The following GALNT13 variants were observed in gnomAD, a reference collection of about 807,000 sequenced individuals.
GALNT13 encodes the protein UDP-GalNAc:polypeptide N-acetylgalactosaminyltransferase 13.
A neutral mutation model predicts 64.2 loss-of-function variants in GALNT13; 28 were observed. That is an observed-to-expected ratio of 0.44 (90% CI 0.32 to 0.60). The LOEUF (loss-of-function observed/expected upper bound fraction) is 0.60, where lower values mean the gene tolerates loss of function less well. Ranked by LOEUF, GALNT13 falls within the 20% of genes least tolerant of loss-of-function variation. The pLI is 0.05. For synonymous variants in GALNT13, 214 were observed against 224.6 expected, an observed-to-expected ratio of 0.95 and a Z score of 0.42; for missense variants, 577 against 669.8, an observed-to-expected ratio of 0.86 and a Z score of 1.53.
At chr2:153,678,308 T>A in the GALNT13 span, among the ~76,000 whole-genome samples, 1 of 151,844 alleles carries the variant, frequency 6.6e-6, no homozygotes. Context: ...AGTAGATAAA[T>A]AAAATGTGGT....
the GALNT13 span, among the ~76,000 whole-genome samples, chr2:153,771,783 C>T: frequency 6.6e-6 from 1 of 152,090 alleles, no homozygotes; most frequent in Non-Finnish European, 1.5e-5. Context: ...AGAGCAAAAA[C>T]TTACTAATCC....
chr2:153,254,393 A>G, the GALNT13 span, among the ~76,000 whole-genome samples: 11 of 151,998 alleles, frequency 7.2e-5, no homozygotes, highest in African/African-American at 2.2e-4. Context: ...CAGTCTGTCA[A>G]TTTTGTAGAT....
chr2:154,245,104 AAAATAAATAAATAAAT>A (rs61010587), intron 6 of GALNT13, among the ~76,000 whole-genome samples: 6 of 137,832 alleles, frequency 4.4e-5, no homozygotes, highest in East Asian at 4.2e-4. Context: ...AGGCTCTGTC[AAAATAAATAAATAAAT>A]AAATAAATAA....
At chr2:153,439,896 G>T in the GALNT13 span, among the ~76,000 whole-genome samples, 1 of 152,176 alleles carries the variant, frequency 6.6e-6, no homozygotes, top group Non-Finnish European at 1.5e-5. Context: ...GAAATCACCC[G>T]TTTTCTGTGT....
At chr2:153,245,461 G>T in the GALNT13 span, among the ~76,000 whole-genome samples, 1 of 152,226 alleles carries the variant, frequency 6.6e-6, no homozygotes, top group African/African-American at 2.4e-5. Flanking sequence ...AATCTTTGCT[G>T]TTCTGCACCC....
the GALNT13 span, among the ~76,000 whole-genome samples, chr2:153,205,898 A>G: frequency 2.0e-5 from 3 of 152,018 alleles, no homozygotes; most frequent in South Asian, 4.1e-4. Flanking sequence ...AATTTTTCTA[A>G]TATTTCTTAG....
intron 4 of GALNT13, among the ~76,000 whole-genome samples, chr2:154,189,605 T>C (rs1686457613): frequency 1.3e-5 from 2 of 151,990 alleles, no homozygotes; most frequent in African/African-American, 2.4e-5. Context: ...AGAAAATAAA[T>C]TTATGTTTTC....
chr2:153,924,777 A>C (rs1690002779), intron 2 of GALNT13, among the ~76,000 whole-genome samples: 1 of 151,902 alleles, frequency 6.6e-6, no homozygotes, highest in Non-Finnish European at 1.5e-5. Flanking sequence ...ATGATATCTC[A>C]CTGTGTTTTT....
the GALNT13 span, among the ~76,000 whole-genome samples, chr2:153,789,231 G>T: frequency 2.0e-5 from 3 of 151,932 alleles, no homozygotes; most frequent in Non-Finnish European, 4.4e-5. Flanking sequence ...GCAAAGAACC[G>T]AAATGACACC....
chr2:153,239,615 C>T, the GALNT13 span, among the ~76,000 whole-genome samples: 1 of 152,102 alleles, frequency 6.6e-6, no homozygotes, highest in Non-Finnish European at 1.5e-5. Context: ...TCACTCTGTT[C>T]ATATGACATA....
chr2:154,161,663 A>C (rs1047982112), intron 4 of GALNT13, among the ~76,000 whole-genome samples: 3 of 152,226 alleles, frequency 2.0e-5, no homozygotes, highest in Non-Finnish European at 4.4e-5. Context: ...TATTTAAATG[A>C]TGTGACAACA....
intron 4 of GALNT13, among the ~76,000 whole-genome samples, chr2:154,206,967 C>T (rs1046398192): frequency 6.6e-6 from 1 of 152,100 alleles, no homozygotes; most frequent in Non-Finnish European, 1.5e-5. Flanking sequence ...TAGAGCTTTA[C>T]TACTTTTTAC....
At chr2:153,845,565 G>T in the GALNT13 span, among the ~76,000 whole-genome samples, 1 of 152,104 alleles carries the variant, frequency 6.6e-6, no homozygotes, top group Non-Finnish European at 1.5e-5. Context: ...GACCCCACCT[G>T]GTGATTTTAT....
At chr2:153,172,656 C>G in the GALNT13 span, among the ~76,000 whole-genome samples, 1 of 152,046 alleles carries the variant, frequency 6.6e-6, no homozygotes, top group South Asian at 2.1e-4. Context: ...CCTGGGCAAA[C>G]AAAGAAATGT....
At chr2:153,191,705 CTTT>C in the GALNT13 span, among the ~76,000 whole-genome samples, 1 of 141,456 alleles carries the variant, frequency 7.1e-6, no homozygotes. Flanking sequence ...GCTTGAAAGA[CTTT>C]TTTTTTTTTT....
At chr2:153,565,007 A>G in the GALNT13 span, among the ~76,000 whole-genome samples, 2 of 152,256 alleles carry the variant, frequency 1.3e-5, no homozygotes, top group East Asian at 3.9e-4. Flanking sequence ...GAGGAAATGC[A>G]TTCTTCTAAC....
intron 2 of GALNT13, among the ~76,000 whole-genome samples, chr2:153,912,230 G>A (rs1003143931): frequency 3.9e-5 from 6 of 151,922 alleles, no homozygotes; most frequent in South Asian, 2.1e-4. Context: ...TGAAATTCTT[G>A]TAGTGTTTTT....
intron 4 of GALNT13, 40 bp from the exon 5 acceptor site, chr2:154,241,990 A>G: frequency 7.5e-7 from 1 of 1,333,170 alleles, no homozygotes; most frequent in South Asian, 1.4e-5. Flanking sequence ...CAGGATAAAA[A>G]ATGCATTTAT....
intron 4 of GALNT13, among the ~76,000 whole-genome samples, chr2:154,153,575 G>A (rs1054137730): frequency 3.9e-5 from 6 of 152,200 alleles, no homozygotes; most frequent in African/African-American, 1.2e-4. Flanking sequence ...GAGCTGTGGT[G>A]GGCTCCACCC....
Sources: gnomAD v4.1 joint callset for allele counts (sites outside exome capture counted in the v4.1 genomes callset) on GRCh38, gnomAD v4.1.1 for gene constraint, MANE v1.5 for transcripts, NCBI Gene and HGNC (gene_info 2026-07-23, HGNC 2026-07-21) for gene names.